ZNF827: variants seen among roughly 807,000 people sequenced by gnomAD.
The protein encoded by ZNF827 is zinc finger protein 827.
A neutral mutation model predicts 102.4 loss-of-function variants in ZNF827; 13 were observed. The observed-to-expected ratio is 0.13, with a 90% CI of 0.08 to 0.20. The LOEUF is 0.20. Among genes scored for constraint, ZNF827 ranks in the 10% least tolerant of loss-of-function variants. The pLI, the probability that ZNF827 is intolerant of heterozygous loss-of-function variation, is 1.00. For missense variants in ZNF827, 1,103 were observed against 1,344.4 expected, an observed-to-expected ratio of 0.82 and a Z score of 2.81; for synonymous variants, 523 against 536.2, an observed-to-expected ratio of 0.98 and a Z score of 0.34.
rs551343722 is a variant in ZNF827, at chr4:145,890,342, T to C, written c.1266+1901A>G. ...CACAACTGCTTTATCGTACTGGTTA[T>C]TGATTTGTTCTGAAAGCATTCTAAG... On this transcript the variant is annotated intron_variant, in intron 3 of 14. Transcript: ENST00000508784. 2.2e-4 allele frequency among the ~76,000 whole-genome samples: 34 copies of C among 152,286 alleles called. No individual in the cohort carries two copies. The South Asian group carries it at 2.3e-3, about 10-fold the overall frequency.
At chr4:145,899,688 A>G (rs1751261626) in intron 2 of ZNF827, among the ~76,000 whole-genome samples, 1 of 152,168 alleles carries the variant, frequency 6.6e-6, no homozygotes, top group African/African-American at 2.4e-5. Context: ...CTCATGCATG[A>G]GTTTTACAAA....
intron 5 of ZNF827, among the ~76,000 whole-genome samples, chr4:145,853,081 A>G (rs1031363394): frequency 1.3e-5 from 2 of 152,222 alleles, no homozygotes; most frequent in Non-Finnish European, 2.9e-5. Flanking sequence ...TTCAATCACC[A>G]CACAAGACAA....
intron 6 of ZNF827, among the ~76,000 whole-genome samples, chr4:145,846,832 C>A (rs201681782): frequency 1.5e-4 from 22 of 143,012 alleles, no homozygotes; most frequent in African/African-American, 3.6e-4. Context: ...AACAAACAAA[C>A]AAAAACACAA....
At chr4:145,780,370 A>G (rs1273839591) in intron 8 of ZNF827, among the ~76,000 whole-genome samples, 1 of 152,250 alleles carries the variant, frequency 6.6e-6, no homozygotes, top group Non-Finnish European at 1.5e-5. Flanking sequence ...TGCTAAGTAG[A>G]ATCAGTGATA....
At chr4:145,926,783 G>A (rs925941404) in intron 1 of ZNF827, among the ~76,000 whole-genome samples, 10 of 152,102 alleles carry the variant, frequency 6.6e-5, no homozygotes, top group African/African-American at 1.4e-4. Flanking sequence ...GCCTTATGGA[G>A]TACGCCCAAG....
At chr4:145,906,388 T>C (rs1378833052) in intron 1 of ZNF827, among the ~76,000 whole-genome samples, 1 of 152,252 alleles carries the variant, frequency 6.6e-6, no homozygotes, top group Non-Finnish European at 1.5e-5. Flanking sequence ...TCATTATTCC[T>C]GTACTCTAAT....
chr4:145,856,385 A>G (rs1457954662), intron 5 of ZNF827, among the ~76,000 whole-genome samples: 1 of 152,136 alleles, frequency 6.6e-6, no homozygotes, highest in African/African-American at 2.4e-5. Flanking sequence ...TTTTATCTAC[A>G]GTGTGGCCCT....
Position 145,892,319 on chromosome 4 carries a change from G to A in ZNF827, c.1190C>T (p.Thr397Ile). Residue 397 changes from threonine (T) to isoleucine (I), a missense_variant, in exon 3 of 15, where the codon ACA (threonine) becomes ATA (isoleucine). Thr to Ile is a moderately conservative substitution (Grantham distance 89). This residue lies in a region of ZNF827 where 20 missense variants were observed against 60.6 expected (regional missense o/e 0.33). Transcript: ENST00000508784. Reference sequence around the variant, plus strand: ...CGGACACTGATGACTTTTTAAACCTGTGTGAATCACCATGTGCCGCTTCCA... The same window carrying A: ...CGGACACTGATGACTTTTTAAACCTATGTGAATCACCATGTGCCGCTTCCA... ...SYWKRHMVIH[T>I]GLKSHQCPLC... The A allele has an allele frequency of 1.2e-6, 2 of 1,614,128 alleles. No individual in the cohort carries two copies. The highest frequency in any genetic ancestry group is 1.7e-6 in the Non-Finnish European group (2 of 1,179,994).
intron 1 of ZNF827, among the ~76,000 whole-genome samples, chr4:145,921,829 T>C (rs1267147897): frequency 6.6e-6 from 1 of 152,218 alleles, no homozygotes; most frequent in Non-Finnish European, 1.5e-5. Context: ...TAAATCATGC[T>C]GGACCAAGGC....
At chr4:145,772,953 A>T (rs560963312) in intron 11 of ZNF827, among the ~76,000 whole-genome samples, 1 of 152,312 alleles carries the variant, frequency 6.6e-6, no homozygotes, top group African/African-American at 2.4e-5. Context: ...AAATGATGAC[A>T]AGTCCAGCTT....
chr4:145,842,358 G>A (rs1204814665), intron 7 of ZNF827, among the ~76,000 whole-genome samples: 1 of 152,186 alleles, frequency 6.6e-6, no homozygotes, highest in East Asian at 1.9e-4. Context: ...AACCCATACG[G>A]GATGGAGAGT....
chr4:145,823,609 C>T lies in ZNF827; in HGVS notation c.2280-84G>A, dbSNP rs1383614382. 6.9e-6 allele frequency: 6 copies of T among 864,178 alleles called. 1 individual carries two copies. Among genetic ancestry groups the T allele is most frequent in the South Asian group, 2.8e-5 (2 of 72,694 alleles). The allele number at this position is 864,178 out of a possible 1,614,324, so 53.5% of individuals were successfully genotyped here. On this transcript the variant is annotated intron_variant, in intron 7 of 14. Coordinates refer to ENST00000508784, the MANE Select transcript of ZNF827 (RefSeq NM_001306215.2). Reference sequence around the variant, plus strand: ...GCACCTGGTCCCAAATACATATATACGCAATATTAGATAAGGTGTTGCTGT... The same window carrying T: ...GCACCTGGTCCCAAATACATATATATGCAATATTAGATAAGGTGTTGCTGT...
chr4:145,870,173 A>G, intron 5 of ZNF827, 72 bp downstream of exon 5: 1 of 1,453,084 alleles, frequency 6.9e-7, no homozygotes, highest in Non-Finnish European at 9.5e-7. Context: ...ATTATAACCC[A>G]TGCAGGAAGC....
chr4:145,847,198 A>C (rs1046493740), intron 6 of ZNF827, among the ~76,000 whole-genome samples: 3 of 152,170 alleles, frequency 2.0e-5, no homozygotes, highest in Non-Finnish European at 4.4e-5. Context: ...ATCAAAGGGA[A>C]ACAGTAACAA....
At chr4:145,883,658 T>G (rs1298121267) in intron 4 of ZNF827, among the ~76,000 whole-genome samples, 4 of 152,216 alleles carry the variant, frequency 2.6e-5, no homozygotes, top group African/African-American at 9.6e-5. Flanking sequence ...CTCAACTTCC[T>G]CTAGATTTTA....
At chr4:145,834,995 C>G (rs1355654420) in intron 7 of ZNF827, 1 of 152,232 alleles carries the variant, frequency 6.6e-6, no homozygotes, top group African/African-American at 2.4e-5. Flanking sequence ...CCTCCAGAAC[C>G]TCCTCCCACA....
chr4:145,833,992 C>G (rs1000711811), intron 7 of ZNF827, among the ~76,000 whole-genome samples: 12 of 152,020 alleles, frequency 7.9e-5, no homozygotes, highest in African/African-American at 2.9e-4. Flanking sequence ...GCTTCCTTCA[C>G]TATGGGCAAC....
chr4:145,921,788 T>C (rs111817541), intron 1 of ZNF827, among the ~76,000 whole-genome samples: 2 of 152,258 alleles, frequency 1.3e-5, no homozygotes, highest in African/African-American at 4.8e-5. Context: ...ATCTTAGTCA[T>C]CTCTTCTTTG....
chr4:145,874,186 A>ACCTGGATT (rs1173226433), intron 4 of ZNF827, among the ~76,000 whole-genome samples: 1 of 152,188 alleles, frequency 6.6e-6, no homozygotes, highest in East Asian at 1.9e-4. Flanking sequence ...TGCTAGCACA[A>ACCTGGATT]CCTGGATTTA....
Sources: gnomAD v4.1 joint callset for allele counts (sites outside exome capture counted in the v4.1 genomes callset) on GRCh38, gnomAD v4.1.1 for gene constraint, gnomAD v4.1.1 regional missense constraint, MANE v1.5 for transcripts, NCBI Gene and HGNC (gene_info 2026-07-23, HGNC 2026-07-21) for gene names.